FBLN1: variants seen among roughly 807,000 people sequenced by gnomAD.
FBLN1 encodes fibulin-1.
In FBLN1, 34 loss-of-function variants were observed where a neutral mutation model predicts 89.7. The ratio of observed to expected loss-of-function variants is 0.38; its 90% CI spans 0.29 to 0.50. The LOEUF (loss-of-function observed/expected upper bound fraction) is 0.50, where lower values mean the gene tolerates loss of function less well. FBLN1 is among the 20% of genes least tolerant of loss of function. FBLN1 has a pLI of 0.92. For synonymous variants in FBLN1, 393 were observed against 391.3 expected, an observed-to-expected ratio of 1.00 and a Z score of -0.05; for missense variants, 777 against 988.1, an observed-to-expected ratio of 0.79 and a Z score of 2.86.
At chr22:45,540,846 G>A (rs2088546294) in intron 8 of FBLN1, among the ~76,000 whole-genome samples, 1 of 152,246 alleles carries the variant, frequency 6.6e-6, no homozygotes, top group African/African-American at 2.4e-5. Context: ...CATCGGAGGG[G>A]CCTAGAGCCT....
At chr22:45,540,384 C>T (rs2239400) in intron 8 of FBLN1, among the ~76,000 whole-genome samples, 8,211 of 152,226 alleles carry the variant, frequency 0.054, 476 homozygotes, top group East Asian at 0.16. Context: ...ACGGTCAGCG[C>T]GAAGGGCTGA....
chr22:45,570,540 A>G (rs750872782), intron 14 of FBLN1, among the ~76,000 whole-genome samples: 70 of 152,094 alleles, frequency 4.6e-4, no homozygotes, highest in Non-Finnish European at 8.7e-4. Flanking sequence ...GTTGAAAAGA[A>G]CAACAAGTTT....
rs189655374 is a variant in FBLN1 at position 45,570,159 on chromosome 22, A to C, written c.1698-4352A>C. ...ACATGGTGAAACCCCATCTCTACTA[A>C]AAATACAAAAATTAGCCAGGCATGG... On this transcript the variant is annotated intron_variant, in intron 14 of 16. Transcript: ENST00000327858. Among the ~76,000 whole-genome samples the C allele has an allele frequency of 5.3e-5, 8 of 151,790 alleles. 1 individual carries two copies. In the East Asian group the frequency reaches 1.5e-3, roughly 29 times the overall value.
intron 14 of FBLN1, among the ~76,000 whole-genome samples, chr22:45,568,963 A>G (rs990943016): frequency 2.6e-5 from 4 of 152,212 alleles, no homozygotes; most frequent in African/African-American, 9.7e-5. Flanking sequence ...TTGTCATCAC[A>G]TGATCTTGTG....
chr22:45,504,901 G>A (rs1448531779), intron 1 of FBLN1, among the ~76,000 whole-genome samples: 1 of 152,170 alleles, frequency 6.6e-6, no homozygotes, highest in African/African-American at 2.4e-5. Context: ...AGTTTCAACA[G>A]GTTTAATTTG....
In FBLN1 at chr22:45,599,852, C is replaced by T. The variant is rs181577155; in HGVS notation, c.1973-455C>T. 6.0e-4 allele frequency among the ~76,000 whole-genome samples: 92 copies of T among 152,156 alleles called. 1 individual carries two copies. Among genetic ancestry groups the T allele is most frequent in the African/African-American group, 1.7e-3 (71 of 41,500 alleles). On this transcript the variant is annotated intron_variant, in intron 16 of 16. Coordinates refer to ENST00000327858, the MANE Select transcript of FBLN1 (RefSeq NM_006486.3). Reference sequence around the variant, plus strand: ...GAATGGCTTGAACCCGGGAGGTGGACGTTGCAATGAGCCGAGATCACGCCA... The same window carrying T: ...GAATGGCTTGAACCCGGGAGGTGGATGTTGCAATGAGCCGAGATCACGCCA...
chr22:45,547,165 G>A lies in FBLN1; in HGVS notation c.1402G>A (p.Gly468Ser). The A allele has an allele frequency of 6.2e-7, 1 of 1,614,122 alleles. No individual in the cohort carries two copies. The highest frequency in any genetic ancestry group is 8.5e-7 in the Non-Finnish European group (1 of 1,180,038). The change falls in exon 12 of 17, where the codon GGC becomes AGC. Residue 468 changes from glycine to serine, a missense_variant. Gly to Ser is a moderately conservative substitution (Grantham distance 56). Coordinates refer to ENST00000327858, the MANE Select transcript of FBLN1 (RefSeq NM_006486.3). ...YGSYQCYCRR[G>S]YQLSDVDGVT... ...CTCCTACCAGTGTTACTGCCGGCGA[G>A]GCTACCAGCTCAGCGATGTGGATGG...
chr22:45,531,979 C>G lies in FBLN1; in HGVS notation c.544+655C>G. Reference sequence around the variant, plus strand: ...ATTCATTTGCCTCACAGGGAGATGTCTGCACATTTAACTAAGGGCCTCGCA... The same window carrying G: ...ATTCATTTGCCTCACAGGGAGATGTGTGCACATTTAACTAAGGGCCTCGCA... On this transcript the variant is annotated intron_variant, in intron 5 of 16. Transcript: ENST00000327858. The surrounding 1 kb of genome is among the most constrained non-coding windows in gnomAD (Gnocchi z 4.9). Among the ~76,000 whole-genome samples, 1 of 152,208 alleles carries G rather than the reference C, an allele frequency of 6.6e-6. No homozygotes were observed. The highest frequency in any genetic ancestry group is 1.5e-5 in the Non-Finnish European group (1 of 68,036).
chr22:45,525,615 C>G lies in FBLN1; in HGVS notation c.258C>G (p.Asn86Lys). The G allele has an allele frequency of 6.4e-7, 1 of 1,550,994 alleles. No homozygotes were observed. The highest frequency in any genetic ancestry group is 1.7e-4 in the Middle Eastern group (1 of 5,822). ...LHCATGISLA[N>K]EQDRCATPHG... ...GTGCCACGGGCATCAGCCTGGCCAA[C>G]GAGCAGGACCGCTGTGCCACGCCCC... Residue 86 changes from asparagine to lysine, a missense_variant, in exon 3 of 17, where the codon AAC (asparagine) becomes AAG (lysine). Asn to Lys is a moderately conservative substitution (Grantham distance 94). Coordinates refer to ENST00000327858, the MANE Select transcript of FBLN1 (RefSeq NM_006486.3).
rs777970776 is a variant in FBLN1 at position 45,533,852 on chromosome 22, C to T, written c.738C>T (p.Ser246=). ...TVGSFRCQRD[S]SCGTGYELTE... is the part of the protein sequence containing the mutation. Reference sequence around the variant, plus strand: ...GCTCTTTCCGCTGCCAGCGGGACAGCAGCTGCGGGACTGGCTATGAGCTCA... The same window carrying T: ...GCTCTTTCCGCTGCCAGCGGGACAGTAGCTGCGGGACTGGCTATGAGCTCA... Residue 246 remains serine (S), a synonymous_variant, in exon 7 of 17, where the codon AGC becomes AGT. Coordinates refer to ENST00000327858, the MANE Select transcript of FBLN1 (RefSeq NM_006486.3). The T allele has an allele frequency of 1.2e-6, 2 of 1,614,092 alleles. No individual in the cohort carries two copies. The highest frequency in any genetic ancestry group is 1.7e-6 in the Non-Finnish European group (2 of 1,180,028).
In FBLN1 at chr22:45,575,601, G is replaced by A. The variant is rs574921177; in HGVS notation, c.1840+948G>A. Among the ~76,000 whole-genome samples, 20 of 152,262 alleles carry A rather than the reference G, an allele frequency of 1.3e-4. No individual in the cohort carries two copies. The East Asian group carries it at 2.9e-3, about 22-fold the overall frequency. On this transcript the variant is annotated intron_variant, in intron 15 of 16. Coordinates refer to ENST00000327858, the MANE Select transcript of FBLN1 (RefSeq NM_006486.3). The surrounding 1 kb of genome is among the most constrained non-coding windows in gnomAD (Gnocchi z 6.3). Reference sequence around the variant, plus strand: ...GCCAGGTGAACTGGAGGGGCCAGACGGGGAGCAGGAAGCTCAGGTGTAACC... The same window carrying A: ...GCCAGGTGAACTGGAGGGGCCAGACAGGGAGCAGGAAGCTCAGGTGTAACC...
chr22:45,578,638 C>T lies in FBLN1; in HGVS notation c.1972+1530C>T, dbSNP rs374905015. 7.3e-6 allele frequency among the ~76,000 whole-genome samples: 1 copy of T among 136,250 alleles called. No homozygotes were observed. The highest frequency in any genetic ancestry group is 3.3e-5 in the African/African-American group (1 of 30,450). 89.4% of individuals were successfully genotyped at this position (136,250 alleles called of 152,430 possible). ...GAGGGGGTTGGGTCAGGGCTTTGTC[C>T]TGTCCCACTGGGTGGGTGGGGTATG... On this transcript the variant is annotated intron_variant, in intron 16 of 16. Transcript: ENST00000327858. This position sits in a 1 kb window ranked among gnomAD's most constrained non-coding sequence, Gnocchi z 4.6.
At chr22:45,594,585 GGTGGGTGGATCCATGGGTGGGTGT>G (rs879352618) in intron 16 of FBLN1, among the ~76,000 whole-genome samples, 25 of 152,144 alleles carry the variant, frequency 1.6e-4, no homozygotes, top group Admixed American at 4.6e-4. Context: ...CTAATGGATG[GGTGGGTGGATCCATGGGTGGGTGT>G]GTGGGTGGAT....
At chr22:45,525,425 G>C in intron 2 of FBLN1, 118 bp from the exon 3 acceptor site, 2 of 899,534 alleles carry the variant, frequency 2.2e-6, no homozygotes, top group Non-Finnish European at 3.5e-6. Flanking sequence ...TTCTCTCTCT[G>C]TGTCTGTGGG....
Position 45,576,367 on chromosome 22 carries a change from C to A in FBLN1, c.1841-610C>A, listed in dbSNP as rs1157705746. 6.6e-6 allele frequency among the ~76,000 whole-genome samples: 1 copy of A among 152,094 alleles called. No individual in the cohort carries two copies. The highest frequency in any genetic ancestry group is 1.5e-5 in the Non-Finnish European group (1 of 68,012). The stretch of plus-strand genomic sequence containing the variant: ...CATCTTGGGCCCAGGAAATCCACAC[C>A]CTGACCTTAAGTGCTGAAAGGACCT... On this transcript the variant is annotated intron_variant, in intron 15 of 16. Coordinates refer to ENST00000327858, the MANE Select transcript of FBLN1 (RefSeq NM_006486.3). This position sits in a 1 kb window ranked among gnomAD's most constrained non-coding sequence, Gnocchi z 5.2.
intron 14 of FBLN1, among the ~76,000 whole-genome samples, chr22:45,571,136 A>G (rs988248198): frequency 1.4e-5 from 2 of 142,776 alleles, no homozygotes; most frequent in African/African-American, 2.6e-5. Context: ...AAAAAAAAAA[A>G]GAAAGAAAGA....
chr22:45,579,990 G>A lies in FBLN1; in HGVS notation c.1972+2882G>A, dbSNP rs1275614477. On this transcript the variant is annotated intron_variant, in intron 16 of 16. Transcript: ENST00000327858. This position sits in a 1 kb window ranked among gnomAD's most constrained non-coding sequence, Gnocchi z 5.5. ...GAAAACGTGGGGTTGAACCCTTGCC[G>A]GCTCCTTACCGTTGCTGGGCACCTT... 6.6e-6 allele frequency among the ~76,000 whole-genome samples: 1 copy of A among 151,992 alleles called. No homozygotes were observed. Among genetic ancestry groups the A allele is most frequent in the East Asian group, 1.9e-4 (1 of 5,134 alleles).
chr22:45,543,334 T>C, intron 10 of FBLN1, 67 bp from the exon 11 acceptor site: 1 of 1,596,420 alleles, frequency 6.3e-7, no homozygotes, highest in Admixed American at 1.7e-5. Context: ...CTGGCCTTAC[T>C]AGGAGGGTGG....
Position 45,598,262 on chromosome 22 carries a change from T to C in FBLN1, c.1973-2045T>C, listed in dbSNP as rs188954592. Among the ~76,000 whole-genome samples the C allele has an allele frequency of 9.2e-5, 14 of 152,284 alleles. No individual in the cohort carries two copies. In the East Asian group the frequency reaches 1.9e-3, roughly 21 times the overall value. ...AGCTCTGGAGAGCTGCTTGTACACA[T>C]CTCTCCACAAGTCCACTTTCAGTGT... On this transcript the variant is annotated intron_variant, in intron 16 of 16. Transcript: ENST00000327858.
Sources: gnomAD v4.1 joint callset for allele counts (sites outside exome capture counted in the v4.1 genomes callset) on GRCh38, gnomAD v4.1.1 for gene constraint, Gnocchi (gnomAD v3.1) non-coding constraint, MANE v1.5 for transcripts, NCBI Gene and HGNC (gene_info 2026-07-23, HGNC 2026-07-21) for gene names.